CAPN3: variants seen among roughly 807,000 people sequenced by gnomAD.
CAPN3 encodes the protein calpain 3.
A neutral mutation model predicts 114.0 loss-of-function variants in CAPN3; 88 were observed. That is an observed-to-expected ratio of 0.77 (90% confidence interval 0.65 to 0.92). The LOEUF (loss-of-function observed/expected upper bound fraction) is 0.92, where lower values mean the gene tolerates loss of function less well. Among genes scored for constraint, CAPN3 ranks in the 40% least tolerant of loss-of-function variants. CAPN3 has a pLI of 0.00. For missense variants in CAPN3, 1,028 were observed against 1,069.0 expected (o/e 0.96, Z 0.53); for synonymous variants, 386 against 382.9 (o/e 1.01, Z -0.09).
At chr15:42,395,447 C>T (rs1233148891) in intron 8 of CAPN3, among the ~76,000 whole-genome samples, 1 of 152,120 alleles carries the variant, frequency 6.6e-6, no homozygotes, top group African/African-American at 2.4e-5. Flanking sequence ...CAAGCACACA[C>T]TAATAATTGA....
chr15:42,398,634 C>CACACAT (rs1555421735), intron 9 of CAPN3, among the ~76,000 whole-genome samples: 2 of 123,930 alleles, frequency 1.6e-5, no homozygotes, highest in East Asian at 2.3e-4. Flanking sequence ...CACACACACA[C>CACACAT]ATATATATAC....
At chr15:42,408,574 A>G in intron 16 of CAPN3, 2 of 478,176 alleles carry the variant, frequency 4.2e-6, no homozygotes, top group South Asian at 1.8e-5. Context: ...GAGCTGATCC[A>G]GCCAGGATAC....
chr15:42,397,759 C>T (rs777981796), intron 9 of CAPN3, among the ~76,000 whole-genome samples: 3 of 151,934 alleles, frequency 2.0e-5, no homozygotes, highest in Non-Finnish European at 2.9e-5. Flanking sequence ...CTATATTTCT[C>T]GGGCTGGTCT....
intron 8 of CAPN3, among the ~76,000 whole-genome samples, chr15:42,396,304 G>A (rs566772690): frequency 2.5e-4 from 38 of 149,894 alleles, no homozygotes; most frequent in African/African-American, 8.1e-4. Context: ...GTGCAATGGC[G>A]CGATCTTGGC....
Position 42,399,534 on chromosome 15 carries a change from G to T in CAPN3, c.1236G>T (p.Glu412Asp). ...EDFIYHFTKL[E>D]ICNLTADALQ... Reference sequence around the variant, plus strand: ...TCATCTACCATTTCACAAAGTTGGAGATCTGCAACCTCACGGCCGATGCTC... The same window carrying T: ...TCATCTACCATTTCACAAAGTTGGATATCTGCAACCTCACGGCCGATGCTC... The change falls in exon 10 of 24, where the codon GAG (glutamate) becomes GAT (aspartate). Residue 412 changes from glutamate to aspartate, a missense_variant. By Grantham distance (45) the Glu-to-Asp change is conservative (BLOSUM62 2). Transcript: ENST00000397163. 1 of 1,613,928 alleles carries T rather than the reference G, an allele frequency of 6.2e-7. No homozygotes were observed. Among genetic ancestry groups the T allele is most frequent in the Non-Finnish European group, 8.5e-7 (1 of 1,179,856 alleles).
intron 14 of CAPN3, 52 bp from the exon 15 acceptor site, chr15:42,405,874 G>C: frequency 6.6e-7 from 1 of 1,512,648 alleles, no homozygotes. Context: ...TGGCGGTTCT[G>C]AGAACTTACT....
Position 42,389,941 on chromosome 15 carries a change from A to G in CAPN3, c.802-12A>G, listed in dbSNP as rs775813174. On this transcript the variant is annotated splice_polypyrimidine_tract_variant and intron_variant, in intron 5 of 23. Coordinates refer to ENST00000397163, the MANE Select transcript of CAPN3 (RefSeq NM_000070.3). ...CCCTGTGTTGTTCCCTACATTCTCC[A>G]TCGGGCCTCAGGATGGCACGAACAT... 6.2e-7 allele frequency: 1 copy of G among 1,613,420 alleles called. No homozygotes were observed. Among genetic ancestry groups the G allele is most frequent in the Non-Finnish European group, 8.5e-7 (1 of 1,179,864 alleles).
intron 2 of CAPN3, chr15:42,385,611 A>G (rs546712789): frequency 2.5e-5 from 13 of 511,668 alleles, no homozygotes; most frequent in African/African-American, 2.1e-4. Context: ...GTCAGAAAAG[A>G]GGTTCAGAGA....
At chr15:42,395,404 T>TC (rs1447770039) in intron 8 of CAPN3, among the ~76,000 whole-genome samples, 1 of 152,172 alleles carries the variant, frequency 6.6e-6, no homozygotes, top group African/African-American at 2.4e-5. Context: ...GTGGGCCCTG[T>TC]GCCTGTGGGT....
At position 42,359,953 on chromosome 15, in the gene CAPN3, A is replaced by G; in HGVS notation, c.148A>G (p.Asn50Asp). The stretch of plus-strand genomic sequence containing the variant: ...CATCTATTCAGCCATCATCAGCCGC[A>G]ATTTTCCTATTATCGGAGTGAAAGA... Reference protein sequence around the residue: ...SGIYSAIISRNFPIIGVKEKT... With the variant: ...SGIYSAIISRDFPIIGVKEKT... The change falls in exon 1 of 24, where the codon AAT (asparagine) becomes GAT (aspartate). Residue 50 changes from asparagine to aspartate, a missense_variant. Coordinates refer to ENST00000397163, the MANE Select transcript of CAPN3 (RefSeq NM_000070.3). The G allele has an allele frequency of 6.2e-7, 1 of 1,614,206 alleles. No individual in the cohort carries two copies. Among genetic ancestry groups the G allele is most frequent in the Non-Finnish European group, 8.5e-7 (1 of 1,180,032 alleles).
At chr15:42,391,588 C>T (rs928824780) in intron 6 of CAPN3, among the ~76,000 whole-genome samples, 2 of 152,132 alleles carry the variant, frequency 1.3e-5, no homozygotes, top group Admixed American at 6.5e-5. Flanking sequence ...AGCAAGGCTC[C>T]GGGAAGCTCC....
intron 19 of CAPN3, 115 bp from the exon 20 acceptor site, chr15:42,410,313 G>T: frequency 3.2e-6 from 3 of 947,330 alleles, no homozygotes; most frequent in Non-Finnish European, 5.2e-6. Context: ...GTGGAGGGGA[G>T]GGTTAAATAG....
intron 1 of CAPN3, among the ~76,000 whole-genome samples, chr15:42,367,065 C>T (rs1337412609): frequency 6.6e-6 from 1 of 151,994 alleles, no homozygotes; most frequent in Non-Finnish European, 1.5e-5. Context: ...AACTCCTGAC[C>T]CCAGTGATCC....
intron 9 of CAPN3, among the ~76,000 whole-genome samples, chr15:42,398,822 TC>T (rs1056250808): frequency 1.5e-4 from 22 of 146,160 alleles, no homozygotes; most frequent in African/African-American, 5.1e-4. Flanking sequence ...TCTCACTTTG[TC>T]GCCCAGGCTG....
chr15:42,366,534 A>G (rs913854851), intron 1 of CAPN3, among the ~76,000 whole-genome samples: 15 of 152,210 alleles, frequency 9.9e-5, no homozygotes, highest in African/African-American at 3.4e-4. Context: ...CACTTTCTGA[A>G]CCCTTAACAT....
chr15:42,410,271 C>G (rs917542230), intron 19 of CAPN3, 157 bp from the exon 20 acceptor site: 3 of 810,378 alleles, frequency 3.7e-6, no homozygotes, highest in Admixed American at 3.8e-5. Flanking sequence ...TCCTGGGTTA[C>G]AGAGTAGGCG....
intron 10 of CAPN3, among the ~76,000 whole-genome samples, chr15:42,400,165 T>C (rs1230599525): frequency 6.6e-6 from 1 of 152,224 alleles, no homozygotes; most frequent in Non-Finnish European, 1.5e-5. Context: ...TGTGCATCTC[T>C]TTCACATTGT....
chr15:42,359,797 C>T lies in CAPN3; in HGVS notation c.-9C>T, dbSNP rs1404808632. On this transcript the variant is annotated 5_prime_UTR_variant, in exon 1 of 24. Transcript: ENST00000397163. ...CTTTAAAAAGCTTTTTCTTCCAAAG[C>T]CACTTGCCATGCCGACCGTCATTAG... 1.2e-5 allele frequency: 19 copies of T among 1,613,022 alleles called. No homozygotes were observed. Among genetic ancestry groups the T allele is most frequent in the Non-Finnish European group, 1.6e-5 (19 of 1,180,034 alleles).
At chr15:42,410,265 G>C in intron 19 of CAPN3, 163 bp from the exon 20 acceptor site, 1 of 792,960 alleles carries the variant, frequency 1.3e-6, no homozygotes, top group Non-Finnish European at 2.2e-6. Flanking sequence ...AGCGGCTCCT[G>C]GGTTACAGAG....
Sources: allele counts gnomAD v4.1 joint callset (sites outside exome capture counted in the v4.1 genomes callset), GRCh38; gene constraint gnomAD v4.1.1; transcripts MANE v1.5; gene names NCBI Gene and HGNC (gene_info 2026-07-23, HGNC 2026-07-21).